The following ABLIM3 variants were observed in gnomAD, a reference collection of about 807,000 sequenced individuals.
ABLIM3 encodes the protein actin-binding LIM protein 3.
Under a neutral mutation model 109.5 loss-of-function variants are expected in ABLIM3, and 61 were observed. That is an observed-to-expected ratio of 0.56 (90% CI 0.45 to 0.69). The LOEUF (loss-of-function observed/expected upper bound fraction) is 0.69. ABLIM3 is among the 30% of genes least tolerant of loss of function. The pLI is 0.00. For synonymous variants in ABLIM3, 300 were observed against 324.8 expected (o/e 0.92, Z 0.82); for missense variants, 796 against 889.5 (o/e 0.89, Z 1.34).
intron 2 of ABLIM3, among the ~76,000 whole-genome samples, chr5:149,144,785 A>G (rs1301366827): frequency 6.6e-6 from 1 of 152,232 alleles, no homozygotes; most frequent in East Asian, 1.9e-4. Context: ...TTTGACACTG[A>G]GTACAACTCC....
At chr5:149,238,246 G>A (rs1752437031) in intron 11 of ABLIM3, among the ~76,000 whole-genome samples, 1 of 152,138 alleles carries the variant, frequency 6.6e-6, no homozygotes, top group Non-Finnish European at 1.5e-5. Flanking sequence ...GGAGGTCCTG[G>A]CAGTCTATAT....
intron 16 of ABLIM3, among the ~76,000 whole-genome samples, chr5:149,245,528 G>A (rs1156562041): frequency 6.6e-6 from 1 of 151,656 alleles, no homozygotes; most frequent in Non-Finnish European, 1.5e-5. Context: ...GTCCCCCAGG[G>A]TTTTGAGGGT....
intron 5 of ABLIM3, among the ~76,000 whole-genome samples, chr5:149,203,246 TCAC>T (rs1561582588): frequency 6.6e-6 from 1 of 151,186 alleles, no homozygotes. Context: ...ACCACCATCA[TCAC>T]CACCAACACC....
intron 11 of ABLIM3, 93 bp downstream of exon 11, chr5:149,237,696 C>T (rs79537741): frequency 0.021 from 32,152 of 1,516,426 alleles, 502 homozygotes; most frequent in African/African-American, 0.066. Flanking sequence ...GTTTGGCCTC[C>T]ACAATGCTGG....
At position 149,216,955 on chromosome 5, in the gene ABLIM3, A is replaced by G. The variant is rs772668333; in HGVS notation, c.670-4A>G. 2.0e-5 allele frequency: 32 copies of G among 1,613,802 alleles called. 1 individual carries two copies. The South Asian group carries it at 3.3e-4, about 17-fold the overall frequency. ...CCTCCTGTTTCATCTTTTCATTTCC[A>G]TAGGCAGGAGGGAAGCACTACCACC... is the stretch of plus-strand genomic sequence containing the variant. On this transcript the variant is annotated splice_region_variant and splice_polypyrimidine_tract_variant and intron_variant, in intron 7 of 23. Transcript: ENST00000309868.
chr5:149,200,513 G>T, intron 5 of ABLIM3, 85 bp downstream of exon 5: 3 of 1,389,838 alleles, frequency 2.2e-6, no homozygotes, highest in Non-Finnish European at 2.0e-6. Flanking sequence ...CTGCTCCCAC[G>T]GGCCTGGAGG....
chr5:149,185,245 G>A (rs1000300674), intron 3 of ABLIM3, among the ~76,000 whole-genome samples: 1 of 152,166 alleles, frequency 6.6e-6, no homozygotes, highest in Admixed American at 6.5e-5. Flanking sequence ...TCATCATGAT[G>A]ATATGCAGTT....
At chr5:149,203,602 T>C (rs533166098) in intron 5 of ABLIM3, among the ~76,000 whole-genome samples, 33 of 151,974 alleles carry the variant, frequency 2.2e-4, no homozygotes, top group South Asian at 1.7e-3. Context: ...ATCAATACCA[T>C]TGTCACCACC....
At chr5:149,247,324 G>C (rs1338840039) in intron 17 of ABLIM3, among the ~76,000 whole-genome samples, 1 of 152,192 alleles carries the variant, frequency 6.6e-6, no homozygotes, top group Non-Finnish European at 1.5e-5. Context: ...GTGCTTCATG[G>C]ATATGGGATC....
At chr5:149,168,447 C>G (rs145282390) in intron 2 of ABLIM3, among the ~76,000 whole-genome samples, 1 of 152,174 alleles carries the variant, frequency 6.6e-6, no homozygotes. Flanking sequence ...GAAGACACGA[C>G]GGAGTGAGGA....
At chr5:149,186,485 G>A (rs1448799005) in intron 3 of ABLIM3, among the ~76,000 whole-genome samples, 1 of 151,904 alleles carries the variant, frequency 6.6e-6, no homozygotes, top group African/African-American at 2.4e-5. Context: ...ATGGATTCAT[G>A]ACTATATTCG....
chr5:149,240,725 G>A lies in ABLIM3; in HGVS notation c.1254G>A (p.Arg418=), dbSNP rs777732988. The change falls in exon 14 of 24, where the codon AGG becomes AGA. Residue 418 remains arginine, a synonymous_variant. Transcript: ENST00000309868. The stretch of plus-strand genomic sequence containing the variant: ...CATACCATAGCCAGTTAGATGTGAG[G>A]TCCTCCACTCCAACCTCTTACCAGG... The part of the protein sequence containing the change: ...SSPYHSQLDV[R]SSTPTSYQAP... 1 of 1,614,122 alleles carries A rather than the reference G, an allele frequency of 6.2e-7. No homozygotes were observed. The highest frequency in any genetic ancestry group is 1.3e-5 in the African/African-American group (1 of 75,024).
chr5:149,227,659 A>C (rs1761448876), intron 8 of ABLIM3, among the ~76,000 whole-genome samples: 1 of 152,098 alleles, frequency 6.6e-6, no homozygotes. Context: ...CAGGAATCTG[A>C]ATTTTACCAG....
At chr5:149,171,858 C>G (rs577635791) in intron 2 of ABLIM3, among the ~76,000 whole-genome samples, 1 of 144,302 alleles carries the variant, frequency 6.9e-6, no homozygotes, top group Admixed American at 6.9e-5. Context: ...TCTTCATTAG[C>G]AAACAGTGAA....
intron 23 of ABLIM3, among the ~76,000 whole-genome samples, chr5:149,253,835 CT>C (rs1754170736): frequency 6.6e-6 from 1 of 152,160 alleles, no homozygotes; most frequent in Non-Finnish European, 1.5e-5. Context: ...CCCAGAATGC[CT>C]GTATTAGTCT....
At chr5:149,177,893 A>G in intron 2 of ABLIM3, among the ~76,000 whole-genome samples, 1 of 152,294 alleles carries the variant, frequency 6.6e-6, no homozygotes, top group East Asian at 1.9e-4. Context: ...AATACTCACA[A>G]ATTGCTTCAG....
At chr5:149,245,284 G>A (rs1753238060) in intron 16 of ABLIM3, among the ~76,000 whole-genome samples, 1 of 152,248 alleles carries the variant, frequency 6.6e-6, no homozygotes, top group African/African-American at 2.4e-5. Flanking sequence ...ATGCGCAGAA[G>A]GTAGGAGAGC....
intron 2 of ABLIM3, among the ~76,000 whole-genome samples, chr5:149,152,493 G>C (rs572531038): frequency 3.3e-5 from 5 of 152,172 alleles, no homozygotes; most frequent in Admixed American, 3.3e-4. Flanking sequence ...GAAGGGTGAT[G>C]TCATATCCTG....
chr5:149,245,154 T>C, intron 16 of ABLIM3, 139 bp downstream of exon 16: 1 of 1,214,900 alleles, frequency 8.2e-7, no homozygotes, highest in Non-Finnish European at 1.1e-6. Context: ...GGGTGTTTAT[T>C]CATTCAACAA....
Sources: gnomAD v4.1 joint callset for allele counts (sites outside exome capture counted in the v4.1 genomes callset) on GRCh38, gnomAD v4.1.1 for gene constraint, MANE v1.5 for transcripts, NCBI Gene and HGNC (gene_info 2026-07-23, HGNC 2026-07-21) for gene names.